The following ZC3H12D variants were observed in gnomAD, a reference collection of about 807,000 sequenced individuals.
The protein encoded by ZC3H12D is probable ribonuclease ZC3H12D.
A neutral mutation model predicts 24.2 loss-of-function variants in ZC3H12D; 11 were observed. The observed-to-expected ratio is 0.46, with a 90% confidence interval of 0.29 to 0.75. ZC3H12D has a LOEUF of 0.75. Among genes scored for constraint, ZC3H12D ranks in the 30% least tolerant of loss-of-function variants. ZC3H12D has a pLI of 0.11. For missense variants in ZC3H12D, 740 were observed against 767.7 expected (o/e 0.96, Z 0.43); for synonymous variants, 333 against 341.8 (o/e 0.97, Z 0.28).
chr6:149,460,521 C>A (rs1776054309), intron 3 of ZC3H12D, among the ~76,000 whole-genome samples: 1 of 152,090 alleles, frequency 6.6e-6, no homozygotes, highest in South Asian at 2.1e-4. Context: ...CATGGTGAAA[C>A]CCCATCTCTA....
At position 149,456,631 on chromosome 6, in the gene ZC3H12D, G is replaced by T. The variant is rs757235993; in HGVS notation, c.680+35C>A. 3.8e-6 allele frequency: 3 copies of T among 794,060 alleles called. No homozygotes were observed. The highest frequency in any genetic ancestry group is 2.7e-5 in the South Asian group (2 of 74,500). The allele number at this position is 794,060 out of a possible 1,614,324, so 49.2% of individuals were successfully genotyped here. A position where few individuals can be genotyped will look rare whatever the true frequency, so the allele number is the denominator to read the frequency against. On this transcript the variant is annotated intron_variant, in intron 4 of 5. Transcript: ENST00000409806. This position sits in a 1 kb window ranked among gnomAD's most constrained non-coding sequence, Gnocchi z 4.3. ...CTCGACCCCGGCCCCCCGCCCCGCC[G>T]CCCCCCAGGGTGTCAGGACCCCAGC...
intron 3 of ZC3H12D, among the ~76,000 whole-genome samples, chr6:149,460,955 T>C (rs1271917178): frequency 6.6e-6 from 1 of 152,092 alleles, no homozygotes; most frequent in Admixed American, 6.5e-5. Context: ...CAATGAGCCA[T>C]AGTGAGACTC....
At chr6:149,476,466 T>A (rs572514543) in intron 1 of ZC3H12D, among the ~76,000 whole-genome samples, 1 of 152,082 alleles carries the variant, frequency 6.6e-6, no homozygotes, top group Admixed American at 6.6e-5. Flanking sequence ...ATCGTGCTAC[T>A]GCACTCCAGC....
intron 3 of ZC3H12D, among the ~76,000 whole-genome samples, chr6:149,458,111 C>CTTTTTTTTTT (rs57317596): frequency 2.5e-5 from 2 of 80,238 alleles, no homozygotes; most frequent in Admixed American, 1.7e-4. Flanking sequence ...CTTTCTTTTT[C>CTTTTTTTTTT]TTTTTTTTTT....
At position 149,474,393 on chromosome 6, in the gene ZC3H12D, C is replaced by T. The variant is rs116212997; in HGVS notation, c.151G>A (p.Glu51Lys). 2.2e-3 allele frequency: 3,542 copies of T among 1,608,414 alleles called. 78 individuals are homozygous for T. The African/African-American group carries it at 0.043, about 19-fold the overall frequency. The change falls in exon 2 of 6, where the codon GAG becomes AAG. Residue 51 changes from glutamate (E) to lysine (K), a missense_variant. Glu to Lys is a moderately conservative substitution (Grantham distance 56). Transcript: ENST00000409806. ...IRTGSRPGAL[E>K]HPAAPRLVPR... ...ACTAGCCTGGGTGCAGCCGGGTGCTCCAGGGCACCCGGGCGGCTGCCCGTG... is the reference window on the plus strand; with the variant it reads ...ACTAGCCTGGGTGCAGCCGGGTGCTTCAGGGCACCCGGGCGGCTGCCCGTG...
In ZC3H12D at chr6:149,450,934, G is replaced by A. The variant is rs770261660; in HGVS notation, c.1333C>T (p.Arg445Cys). Residue 445 changes from arginine (R) to cysteine (C), a missense_variant, in exon 6 of 6, where the codon CGC becomes TGC. Coordinates refer to ENST00000409806, the MANE Select transcript of ZC3H12D (RefSeq NM_207360.3). ...GCCCAGACGGAGCGCCCAGGGAAGC[G>A]GTCGGAGCGGGGTGGACGGGCCCAC... ...DPWARPPRSD[R>C]FPGRSVWAEP... 4 of 1,539,688 alleles carry A rather than the reference G, an allele frequency of 2.6e-6. No homozygotes were observed. The South Asian group carries it at 4.8e-5, about 18-fold the overall frequency.
In ZC3H12D at chr6:149,451,216, A is replaced by C. The variant is rs1398959847; in HGVS notation, c.1051T>G (p.Phe351Val). The stretch of plus-strand genomic sequence containing the variant: ...CCCAGGGGCCCCAGGTCGTCGCTGA[A>C]GGCCAGCCGAGAGAAGCTCCCTCGC... ...ALRGSFSRLA[F>V]SDDLGPLGPP... The change falls in exon 6 of 6, where the codon TTC (phenylalanine) becomes GTC (valine). Residue 351 changes from phenylalanine to valine, a missense_variant. Phe to Val is a conservative substitution (Grantham distance 50). Coordinates refer to ENST00000409806, the MANE Select transcript of ZC3H12D (RefSeq NM_207360.3). 1.5e-6 allele frequency: 2 copies of C among 1,305,498 alleles called. No homozygotes were observed. Among genetic ancestry groups the C allele is most frequent in the Non-Finnish European group, 9.7e-7 (1 of 1,033,324 alleles). The allele number at this position is 1,305,498 out of a possible 1,614,324, so 80.9% of individuals were successfully genotyped here. A position where few individuals can be genotyped will look rare whatever the true frequency, so the allele number is the denominator to read the frequency against.
At position 149,456,984 on chromosome 6, in the gene ZC3H12D, C is replaced by T; in HGVS notation, c.446-84G>A. On this transcript the variant is annotated intron_variant, in intron 3 of 5. Transcript: ENST00000409806. This position sits in a 1 kb window ranked among gnomAD's most constrained non-coding sequence, Gnocchi z 4.3. Reference sequence around the variant, plus strand: ...ACCCCCAACGCGAGGCCACCCGCTTCCCGGGCCGGTCAGATGAGGTTTTGA... The same window carrying T: ...ACCCCCAACGCGAGGCCACCCGCTTTCCGGGCCGGTCAGATGAGGTTTTGA... 1 of 1,374,386 alleles carries T rather than the reference C, an allele frequency of 7.3e-7. No individual in the cohort carries two copies. Among genetic ancestry groups the T allele is most frequent in the Non-Finnish European group, 9.9e-7 (1 of 1,006,484 alleles). The allele number at this position is 1,374,386 out of a possible 1,614,324, so 85.1% of individuals were successfully genotyped here. A position where few individuals can be genotyped will look rare whatever the true frequency, so the allele number is the denominator to read the frequency against.
At chr6:149,460,356 A>G (rs1776052609) in intron 3 of ZC3H12D, among the ~76,000 whole-genome samples, 4 of 129,802 alleles carry the variant, frequency 3.1e-5, no homozygotes, top group Admixed American at 2.9e-4. Flanking sequence ...AGGGATACTC[A>G]ACTGTATAAG....
intron 3 of ZC3H12D, among the ~76,000 whole-genome samples, chr6:149,460,687 G>C (rs569018874): frequency 6.6e-6 from 1 of 152,094 alleles, no homozygotes; most frequent in African/African-American, 2.4e-5. Flanking sequence ...AAAATTAGCT[G>C]GGCGTGGTGG....
chr6:149,456,932 G>C lies in ZC3H12D; in HGVS notation c.446-32C>G. 3 of 1,577,882 alleles carry C rather than the reference G, an allele frequency of 1.9e-6. No individual in the cohort carries two copies. Among genetic ancestry groups the C allele is most frequent in the Non-Finnish European group, 2.6e-6 (3 of 1,163,724 alleles). On this transcript the variant is annotated intron_variant, in intron 3 of 5. Coordinates refer to ENST00000409806, the MANE Select transcript of ZC3H12D (RefSeq NM_207360.3). This position sits in a 1 kb window ranked among gnomAD's most constrained non-coding sequence, Gnocchi z 4.3. ...GCGGGGCGACGGAGACGCGGGTGAG[G>C]GCCCAAGGGCACCGCCCCTGAGAAC... is the stretch of plus-strand genomic sequence containing the variant.
At chr6:149,455,982 G>A (rs1278978670) in intron 4 of ZC3H12D, among the ~76,000 whole-genome samples, 4 of 151,076 alleles carry the variant, frequency 2.6e-5, no homozygotes, top group Non-Finnish European at 4.4e-5. Context: ...AGCCAGGCAC[G>A]GTGGCTCAAG....
chr6:149,465,353 C>CAA (rs10617394), intron 2 of ZC3H12D, among the ~76,000 whole-genome samples: 24 of 126,088 alleles, frequency 1.9e-4, no homozygotes, highest in African/African-American at 5.9e-4. Flanking sequence ...GACTCTGTCT[C>CAA]AAAAAAAAAA....
Position 149,452,625 on chromosome 6 carries a change from A to G in ZC3H12D, c.778T>C (p.Cys260Arg). 1 of 1,586,150 alleles carries G rather than the reference A, an allele frequency of 6.3e-7. No individual in the cohort carries two copies. The highest frequency in any genetic ancestry group is 8.6e-7 in the Non-Finnish European group (1 of 1,167,714). ...ACTGGGCCCTACCCACCATAAGGAC[A>G]ATGCTGCCAGGATGGCTCTGGGGGC... Reference protein sequence around the residue: ...PKPPEPSWQHCPYGKKCTYGI... With the variant: ...PKPPEPSWQHRPYGKKCTYGI... The change falls in exon 5 of 6, where the codon TGT (cysteine) becomes CGT (arginine). Residue 260 changes from cysteine to arginine, a missense_variant. Physicochemically the swap from Cys to Arg is radical, Grantham distance 180 (BLOSUM62 -3). Transcript: ENST00000409806. This position sits in a 1 kb window ranked among gnomAD's most constrained non-coding sequence, Gnocchi z 4.0.
At position 149,448,669 on chromosome 6, in the gene ZC3H12D, T is replaced by C. The variant is rs1050347113; in HGVS notation, c.*2014A>G. ...TTATGGTAAAATTGTGGGTGCACCG[T>C]CCTCTTTGGAAAAAGGGGGTAAGGA... On this transcript the variant is annotated 3_prime_UTR_variant, in exon 6 of 6. Transcript: ENST00000409806. The C allele has an allele frequency of 4.6e-5, 7 of 152,198 alleles. No individual in the cohort carries two copies. Among genetic ancestry groups the C allele is most frequent in the Non-Finnish European group, 7.3e-5 (5 of 68,028 alleles). 9.4% of individuals were successfully genotyped at this position (152,198 alleles called of 1,614,324 possible).
At chr6:149,471,275 A>C (rs1280101142) in intron 2 of ZC3H12D, among the ~76,000 whole-genome samples, 1 of 152,184 alleles carries the variant, frequency 6.6e-6, no homozygotes, top group African/African-American at 2.4e-5. Flanking sequence ...GCCCACAGAA[A>C]CTTCTACCTA....
chr6:149,461,864 T>G lies in ZC3H12D; in HGVS notation c.412A>C (p.Lys138Gln). The G allele has an allele frequency of 6.3e-7, 1 of 1,576,390 alleles. No individual in the cohort carries two copies. Among genetic ancestry groups the G allele is most frequent in the Non-Finnish European group, 8.6e-7 (1 of 1,160,694 alleles). Residue 138 changes from lysine (K) to glutamine (Q), a missense_variant, in exon 3 of 6, where the codon AAG becomes CAG. By Grantham distance (53) the Lys-to-Gln change is moderately conservative. Transcript: ENST00000409806. Reference sequence around the variant, plus strand: ...GGGGTGTCAGCTCTTGGTGGGTCCTTCCTCCAGGATGGAACAAAAACTTTG... The same window carrying G: ...GGGGTGTCAGCTCTTGGTGGGTCCTGCCTCCAGGATGGAACAAAAACTTTG... ...YIKVFVPSWR[K>Q]DPPRADTPIR...
Position 149,456,632 on chromosome 6 carries a change from C to T in ZC3H12D, c.680+34G>A. 6.5e-7 allele frequency: 1 copy of T among 1,528,408 alleles called. No individual in the cohort carries two copies. The highest frequency in any genetic ancestry group is 9.0e-7 in the Non-Finnish European group (1 of 1,107,334). 94.7% of individuals were successfully genotyped at this position (1,528,408 alleles called of 1,614,324 possible). On this transcript the variant is annotated intron_variant, in intron 4 of 5. Coordinates refer to ENST00000409806, the MANE Select transcript of ZC3H12D (RefSeq NM_207360.3). The surrounding 1 kb of genome is among the most constrained non-coding windows in gnomAD (Gnocchi z 4.3). ...TCGACCCCGGCCCCCCGCCCCGCCG[C>T]CCCCCAGGGTGTCAGGACCCCAGCC... is the stretch of plus-strand genomic sequence containing the variant.
intron 3 of ZC3H12D, among the ~76,000 whole-genome samples, chr6:149,458,107 TTTTCTTTTTTTTTTTCG>T (rs1562472698): frequency 7.5e-5 from 8 of 106,724 alleles, no homozygotes; most frequent in Non-Finnish European, 1.0e-4. Flanking sequence ...CTTTCTTTCT[TTTTCTTTTTTTTTTTCG>T]TTTCTTTTTT....
Sources: allele counts gnomAD v4.1 joint callset (sites outside exome capture counted in the v4.1 genomes callset), GRCh38; gene constraint gnomAD v4.1.1; non-coding constraint Gnocchi (gnomAD v3.1); transcripts MANE v1.5; gene names NCBI Gene and HGNC (gene_info 2026-07-23, HGNC 2026-07-21).